The following RHEB variants were observed in gnomAD, a reference collection of about 807,000 sequenced individuals.
RHEB encodes the protein Ras homolog, mTORC1 binding.
A neutral mutation model predicts 28.8 loss-of-function variants in RHEB; 2 were observed. The observed-to-expected ratio is 0.07, with a 90% CI of 0.03 to 0.22. The LOEUF is 0.22. Ranked by LOEUF, RHEB falls within the 10% of genes least tolerant of loss-of-function variation. The pLI is 1.00. For synonymous variants in RHEB, 69 were observed against 77.3 expected (o/e 0.89, Z 0.56); for missense variants, 76 against 219.9 (o/e 0.35, Z 4.14).
At chr7:151,473,924 G>C (rs764687235) in intron 4 of RHEB, among the ~76,000 whole-genome samples, 1 of 152,180 alleles carries the variant, frequency 6.6e-6, no homozygotes, top group Non-Finnish European at 1.5e-5. Context: ...AGACTGGTGG[G>C]GAAAATCACA....
chr7:151,508,612 A>C (rs375825239), intron 1 of RHEB, among the ~76,000 whole-genome samples: 1 of 151,338 alleles, frequency 6.6e-6, no homozygotes, highest in Non-Finnish European at 1.5e-5. Flanking sequence ...AAAATCTAAA[A>C]TTACATTAGG....
rs1038667233 is a variant in RHEB, at chr7:151,468,701, G to A, written c.463-1490C>T. On this transcript the variant is annotated intron_variant, in intron 7 of 7. Coordinates refer to ENST00000262187, the MANE Select transcript of RHEB (RefSeq NM_005614.4). This position sits in a 1 kb window ranked among gnomAD's most constrained non-coding sequence, Gnocchi z 4.3. ...CAAGCTGACCCACCCACTTGAATGT[G>A]GGCTCCCATCCTCAGCCTTCTGTCC... Among the ~76,000 whole-genome samples the A allele has an allele frequency of 6.6e-6, 1 of 152,240 alleles. No individual in the cohort carries two copies. Among genetic ancestry groups the A allele is most frequent in the Non-Finnish European group, 1.5e-5 (1 of 68,042 alleles).
At chr7:151,469,188 A>G (rs1314023776) in intron 7 of RHEB, among the ~76,000 whole-genome samples, 1 of 152,230 alleles carries the variant, frequency 6.6e-6, no homozygotes, top group Non-Finnish European at 1.5e-5. Context: ...TCATCCGCAC[A>G]TAAGAGGACA....
At chr7:151,506,532 G>C (rs1802883363) in intron 1 of RHEB, among the ~76,000 whole-genome samples, 1 of 152,048 alleles carries the variant, frequency 6.6e-6, no homozygotes, top group African/African-American at 2.4e-5. Context: ...CAAGTGCTCA[G>C]CAAATCTCAT....
chr7:151,490,848 T>G, intron 2 of RHEB, 95 bp downstream of exon 2: 1 of 921,580 alleles, frequency 1.1e-6, no homozygotes, highest in Non-Finnish European at 1.8e-6. Context: ...CACACAGAAT[T>G]TACCTCCTGC....
At chr7:151,470,998 A>C (rs1015313686) in intron 6 of RHEB, among the ~76,000 whole-genome samples, 6 of 152,244 alleles carry the variant, frequency 3.9e-5, no homozygotes, top group African/African-American at 1.4e-4. Context: ...AAAGAGCCTG[A>C]AAGCTCAATT....
chr7:151,483,616 T>C lies in RHEB; in HGVS notation c.192+1121A>G, dbSNP rs1415552291. ...CTGTAATCCCGGCTACTTGGGAGGC[T>C]GTGCCAGGAGAATTGCTTTAACTCA... is the stretch of plus-strand genomic sequence containing the variant. On this transcript the variant is annotated intron_variant, in intron 3 of 7. Transcript: ENST00000262187. Among the ~76,000 whole-genome samples, 3 of 152,298 alleles carry C rather than the reference T, an allele frequency of 2.0e-5. No individual in the cohort carries two copies. The East Asian group carries it at 5.8e-4, about 29-fold the overall frequency.
At chr7:151,507,802 A>C (rs779731901) in intron 1 of RHEB, among the ~76,000 whole-genome samples, 10 of 152,224 alleles carry the variant, frequency 6.6e-5, no homozygotes, top group Non-Finnish European at 1.5e-4. Flanking sequence ...CCTATTGCCA[A>C]TTATTATGCT....
intron 1 of RHEB, among the ~76,000 whole-genome samples, chr7:151,513,902 T>C (rs1039471112): frequency 4.6e-5 from 7 of 152,218 alleles, no homozygotes; most frequent in Non-Finnish European, 7.3e-5. Flanking sequence ...ACTGGCAATC[T>C]AGTCCTAAAA....
At position 151,503,332 on chromosome 7, in the gene RHEB, G is replaced by A. The variant is rs370290764; in HGVS notation, c.53-12318C>T. The A allele has an allele frequency of 3.5e-5, 30 of 860,954 alleles. No individual in the cohort carries two copies. In the African/African-American group the frequency reaches 4.6e-4, roughly 13 times the overall value. 53.3% of individuals were successfully genotyped at this position (860,954 alleles called of 1,614,324 possible). ...TGGAGCTATGTTGGAAATGATCACA[G>A]ATAAAATGCAAGACGGGTCTCGGTT... On this transcript the variant is annotated intron_variant, in intron 1 of 7. Transcript: ENST00000262187.
At chr7:151,510,318 C>T (rs1363728102) in intron 1 of RHEB, among the ~76,000 whole-genome samples, 1 of 152,190 alleles carries the variant, frequency 6.6e-6, no homozygotes, top group Admixed American at 6.5e-5. Flanking sequence ...AGACTGCCTG[C>T]TCTGGAGCCA....
intron 1 of RHEB, chr7:151,503,088 C>A: frequency 1.2e-6 from 1 of 802,544 alleles, no homozygotes; most frequent in East Asian, 2.4e-5. Context: ...ACACTAAAGA[C>A]TTTGGAAAAG....
chr7:151,502,839 T>C, intron 1 of RHEB: 3 of 1,072,322 alleles, frequency 2.8e-6, no homozygotes, highest in Non-Finnish European at 4.4e-6. Context: ...GGTCTAGTTT[T>C]AGCTGGATCT....
At chr7:151,514,824 G>A (rs1803047116) in intron 1 of RHEB, among the ~76,000 whole-genome samples, 1 of 152,058 alleles carries the variant, frequency 6.6e-6, no homozygotes. Flanking sequence ...ATTGCTTGAG[G>A]TCAAGAGTTC....
intron 3 of RHEB, among the ~76,000 whole-genome samples, chr7:151,480,088 G>A (rs1802355572): frequency 1.3e-5 from 2 of 152,196 alleles, no homozygotes; most frequent in Non-Finnish European, 2.9e-5. Flanking sequence ...GCTGGTGAGG[G>A]TGTAGGGAAA....
intron 1 of RHEB, chr7:151,502,491 A>T: frequency 1.1e-6 from 1 of 907,816 alleles, no homozygotes; most frequent in Non-Finnish European, 1.9e-6. Flanking sequence ...ACTGTAACAG[A>T]AGAAGGAAAG....
intron 1 of RHEB, chr7:151,502,321 AC>A: frequency 1.2e-6 from 1 of 812,406 alleles, no homozygotes; most frequent in Non-Finnish European, 2.2e-6. Context: ...ACCAGATTTC[AC>A]CAGTGGCAAA....
chr7:151,470,103 AT>A (rs1802134294), intron 7 of RHEB, among the ~76,000 whole-genome samples: 1 of 151,724 alleles, frequency 6.6e-6, no homozygotes, highest in African/African-American at 2.4e-5. Flanking sequence ...GCGGGGTGAA[AT>A]TGGTACTAAA....
intron 2 of RHEB, 45 bp from the exon 3 acceptor site, chr7:151,484,849 T>C: frequency 7.4e-7 from 1 of 1,357,338 alleles, no homozygotes. Context: ...AAAAATTAAC[T>C]CGAAACCACC....
Sources: allele counts gnomAD v4.1 joint callset (sites outside exome capture counted in the v4.1 genomes callset), GRCh38; gene constraint gnomAD v4.1.1; non-coding constraint Gnocchi (gnomAD v3.1); transcripts MANE v1.5; gene names NCBI Gene and HGNC (gene_info 2026-07-23, HGNC 2026-07-21).